CDH19: variants seen among roughly 807,000 people sequenced by gnomAD.
The protein encoded by CDH19 is cadherin-19.
CDH19 carries 67 observed loss-of-function variants against 64.2 expected under a neutral mutation model. The observed-to-expected ratio is 1.04, with a 90% CI of 0.86 to 1.28. CDH19 has a LOEUF of 1.28. CDH19 is among the 50% of genes most tolerant of loss of function. The probability of loss-of-function intolerance (pLI) is 0.00; values close to 1 mark genes in which losing one functional copy is unlikely to be tolerated. For missense variants in CDH19, 1,030 were observed against 929.0 expected (o/e 1.11, Z -1.41); for synonymous variants, 346 against 319.3 (o/e 1.08, Z -0.89).
At chr18:66,523,570 T>C (rs2144392268) in intron 9 of CDH19, among the ~76,000 whole-genome samples, 1 of 141,606 alleles carries the variant, frequency 7.1e-6, no homozygotes, top group Middle Eastern at 3.6e-3. Context: ...GGCGCTCACC[T>C]CACTGCGTTG....
chr18:66,590,545 T>C (rs1386779203), intron 1 of CDH19, among the ~76,000 whole-genome samples: 1 of 150,312 alleles, frequency 6.7e-6, no homozygotes, highest in African/African-American at 2.4e-5. Flanking sequence ...AAAAAGAAAA[T>C]GCATGTAGAA....
chr18:66,576,622 A>G (rs74907055), intron 1 of CDH19, among the ~76,000 whole-genome samples: 2 of 151,648 alleles, frequency 1.3e-5, no homozygotes, highest in African/African-American at 2.4e-5. Context: ...GCCTCAAAAT[A>G]AATGAAATAC....
At chr18:66,546,949 A>G (rs769250204) in intron 5 of CDH19, among the ~76,000 whole-genome samples, 29 of 152,156 alleles carry the variant, frequency 1.9e-4, no homozygotes, top group Non-Finnish European at 3.8e-4. Flanking sequence ...AGATTACTTC[A>G]GACCATTAGG....
Position 66,535,732 on chromosome 18 carries a change from T to C in CDH19, c.1215-625A>G, listed in dbSNP as rs9962251. 4.2e-3 allele frequency among the ~76,000 whole-genome samples: 619 copies of C among 147,136 alleles called. 5 individuals are homozygous for C. Among genetic ancestry groups the C allele is most frequent in the African/African-American group, 0.015 (598 of 40,734 alleles). ...TAACATATTTGTAATATTTAATACATATATGCTTTATTCTATATTACATAT... is the reference window on the plus strand; with the variant it reads ...TAACATATTTGTAATATTTAATACACATATGCTTTATTCTATATTACATAT... On this transcript the variant is annotated intron_variant, in intron 7 of 11. Transcript: ENST00000262150.
At chr18:66,531,567 G>A (rs1004539674) in intron 8 of CDH19, among the ~76,000 whole-genome samples, 8 of 152,148 alleles carry the variant, frequency 5.3e-5, no homozygotes, top group Admixed American at 5.2e-4. Context: ...AGTGAGCTGT[G>A]ATCGGGCTAC....
intron 1 of CDH19, among the ~76,000 whole-genome samples, chr18:66,590,441 T>A (rs1005525221): frequency 1.3e-5 from 2 of 151,834 alleles, no homozygotes; most frequent in African/African-American, 4.8e-5. Context: ...GGATTGGAAT[T>A]AAGACAAAGA....
Position 66,504,669 on chromosome 18 carries a change from A to G in CDH19, c.*143T>C. On this transcript the variant is annotated 3_prime_UTR_variant, in exon 12 of 12. Coordinates refer to ENST00000262150, the MANE Select transcript of CDH19 (RefSeq NM_021153.4). ...AGCATGTAGGTAGCTTAAAATAACC[A>G]TGGAGTATTTACTCCAGGGAAATCA... 1 of 726,632 alleles carries G rather than the reference A, an allele frequency of 1.4e-6. No individual in the cohort carries two copies. The highest frequency in any genetic ancestry group is 2.2e-6 in the Non-Finnish European group (1 of 465,074). 45.0% of individuals were successfully genotyped at this position (726,632 alleles called of 1,614,324 possible).
At chr18:66,530,484 CAAAT>C (rs1489373017) in intron 8 of CDH19, among the ~76,000 whole-genome samples, 1 of 151,682 alleles carries the variant, frequency 6.6e-6, no homozygotes, top group Non-Finnish European at 1.5e-5. Flanking sequence ...CTTTTAAAAA[CAAAT>C]AATTAGAATC....
chr18:66,540,716 C>G (rs900642861), intron 7 of CDH19, among the ~76,000 whole-genome samples: 1 of 152,046 alleles, frequency 6.6e-6, no homozygotes, highest in Non-Finnish European at 1.5e-5. Flanking sequence ...CCCACCTTCT[C>G]GTACCCACCT....
At position 66,503,542 on chromosome 18, in the gene CDH19, T is replaced by C. The variant is rs1051879674; in HGVS notation, c.*1270A>G. On this transcript the variant is annotated 3_prime_UTR_variant, in exon 12 of 12. Transcript: ENST00000262150. ...AAATAATTTTTAGTAGAGGTAAAAATTTACTTAAATTTTTCCACACTTTCC... is the reference window on the plus strand; with the variant it reads ...AAATAATTTTTAGTAGAGGTAAAAACTTACTTAAATTTTTCCACACTTTCC... 1 of 151,756 alleles carries C rather than the reference T, an allele frequency of 6.6e-6. No individual in the cohort carries two copies. Among genetic ancestry groups the C allele is most frequent in the Admixed American group, 6.6e-5 (1 of 15,206 alleles). The allele number at this position is 151,756 out of a possible 1,614,324, so 9.4% of individuals were successfully genotyped here. A position where few individuals can be genotyped will look rare whatever the true frequency, so the allele number is the denominator to read the frequency against.
In CDH19 at chr18:66,508,273, A is replaced by G. The variant is rs1195216685; in HGVS notation, c.1828+722T>C. Among the ~76,000 whole-genome samples the G allele has an allele frequency of 6.6e-5, 10 of 151,980 alleles. No individual in the cohort carries two copies. In the East Asian group the frequency reaches 1.7e-3, roughly 26 times the overall value. On this transcript the variant is annotated intron_variant, in intron 11 of 11. Coordinates refer to ENST00000262150, the MANE Select transcript of CDH19 (RefSeq NM_021153.4). ...AGAGAATGAAGAGACATTGGTCAAA[A>G]GACACAAAGTTTCAGTTAGACATTA...
intron 7 of CDH19, among the ~76,000 whole-genome samples, chr18:66,535,599 C>A (rs1986630603): frequency 6.8e-6 from 1 of 146,428 alleles, no homozygotes; most frequent in Non-Finnish European, 1.5e-5. Flanking sequence ...AATCTGGAAT[C>A]AGGAATCCAA....
intron 5 of CDH19, among the ~76,000 whole-genome samples, chr18:66,550,620 G>T (rs1318281792): frequency 6.6e-6 from 1 of 152,090 alleles, no homozygotes; most frequent in African/African-American, 2.4e-5. Context: ...AGTGTGTGAA[G>T]TATGTGACAC....
chr18:66,505,245 T>G lies in CDH19; in HGVS notation c.1886A>C (p.Glu629Ala). The G allele has an allele frequency of 6.3e-7, 1 of 1,598,710 alleles. No homozygotes were observed. ...KQRRKQILFP[E>A]KSEDFRENIF... is the part of the protein sequence containing the mutation. Reference sequence around the variant, plus strand: ...ATTCTCTCTGAAATCTTCACTTTTCTCAGGAAATAGAATCTGTTTTCTCCG... The same window carrying G: ...ATTCTCTCTGAAATCTTCACTTTTCGCAGGAAATAGAATCTGTTTTCTCCG... The change falls in exon 12 of 12, where the codon GAG becomes GCG. Residue 629 changes from glutamate to alanine, a missense_variant. Transcript: ENST00000262150.
intron 7 of CDH19, among the ~76,000 whole-genome samples, chr18:66,539,820 A>G (rs574060998): frequency 1.3e-5 from 2 of 152,098 alleles, no homozygotes; most frequent in East Asian, 3.9e-4. Flanking sequence ...TTGGTGGTAT[A>G]TATATGCTTG....
Position 66,509,121 on chromosome 18 carries a change from T to C in CDH19, c.1702A>G (p.Ile568Val), listed in dbSNP as rs570028831. Residue 568 changes from isoleucine (I) to valine (V), a missense_variant, in exon 11 of 12, where the codon ATC (isoleucine) becomes GTC (valine). Physicochemically the swap from Ile to Val is conservative, Grantham distance 29 (BLOSUM62 3). Coordinates refer to ENST00000262150, the MANE Select transcript of CDH19 (RefSeq NM_021153.4). ...PSLTSTNTLT[I>V]HVCDCGDSGS... ...CTGTCACCACAGTCACAGACATGGATGGTAAGGGTGTTTGTACTTGTAAGT... is the reference window on the plus strand; with the variant it reads ...CTGTCACCACAGTCACAGACATGGACGGTAAGGGTGTTTGTACTTGTAAGT... 1 of 1,613,014 alleles carries C rather than the reference T, an allele frequency of 6.2e-7. No homozygotes were observed. Among genetic ancestry groups the C allele is most frequent in the Non-Finnish European group, 8.5e-7 (1 of 1,179,368 alleles).
rs963183467 is a variant in CDH19, at chr18:66,501,880, C to G, written c.*2932G>C. ...AATTCAAACAAAGATCTGTTAGGCTCAAGCACATGCACTGAGGGAACAACT... is the reference window on the plus strand; with the variant it reads ...AATTCAAACAAAGATCTGTTAGGCTGAAGCACATGCACTGAGGGAACAACT... On this transcript the variant is annotated 3_prime_UTR_variant, in exon 12 of 12. Transcript: ENST00000262150. 2.0e-5 allele frequency: 3 copies of G among 152,036 alleles called. No individual in the cohort carries two copies. The highest frequency in any genetic ancestry group is 4.4e-5 in the Non-Finnish European group (3 of 68,004). The allele number at this position is 152,036 out of a possible 1,614,324, so 9.4% of individuals were successfully genotyped here. A position where few individuals can be genotyped will look rare whatever the true frequency, so the allele number is the denominator to read the frequency against.
At chr18:66,513,672 T>C (rs1421427596) in intron 9 of CDH19, among the ~76,000 whole-genome samples, 1 of 151,478 alleles carries the variant, frequency 6.6e-6, no homozygotes, top group African/African-American at 2.4e-5. Flanking sequence ...ATATGTTGTA[T>C]TGGTTGCTAT....
Position 66,505,362 on chromosome 18 carries a change from GT to G in CDH19, c.1829-61del, listed in dbSNP as rs538831957. On this transcript the variant is annotated intron_variant, in intron 11 of 11. Coordinates refer to ENST00000262150, the MANE Select transcript of CDH19 (RefSeq NM_021153.4). Reference sequence around the variant, plus strand: ...AATAAAGAGTATTATAAACATTACAGTCTTTGCTCTCATTTCAAGCTCAAGA... The same window carrying G: ...AATAAAGAGTATTATAAACATTACAGCTTTGCTCTCATTTCAAGCTCAAGA... The G allele has an allele frequency of 3.3e-3, 4,212 of 1,264,322 alleles. 11 individuals carry two copies. Among genetic ancestry groups the G allele is most frequent in the Non-Finnish European group, 4.1e-3 (3,826 of 944,552 alleles). 78.3% of individuals were successfully genotyped at this position (1,264,322 alleles called of 1,614,324 possible).
Sources: allele counts gnomAD v4.1 joint callset (sites outside exome capture counted in the v4.1 genomes callset), GRCh38; gene constraint gnomAD v4.1.1; transcripts MANE v1.5; gene names NCBI Gene and HGNC (gene_info 2026-07-23, HGNC 2026-07-21).